Variants in HACD3 observed in about 807,000 individuals in gnomAD.
HACD3 encodes the protein very-long-chain (3R)-3-hydroxyacyl-CoA dehydratase 3.
A neutral mutation model predicts 55.2 loss-of-function variants in HACD3; 30 were observed. The observed-to-expected ratio is 0.54, with a 90% CI of 0.41 to 0.74. The LOEUF is 0.74. Ranked by LOEUF, HACD3 falls within the 30% of genes least tolerant of loss-of-function variation. HACD3 has a pLI of 0.00. For synonymous variants in HACD3, 141 were observed against 151.7 expected (o/e 0.93, Z 0.52); for missense variants, 363 against 440.1 (o/e 0.82, Z 1.57).
intron 3 of HACD3, 23 bp from the exon 4 acceptor site, chr15:65,556,716 C>G: frequency 6.3e-7 from 1 of 1,583,138 alleles, no homozygotes; most frequent in Non-Finnish European, 8.6e-7. Context: ...AGGGCATTCT[C>G]ACATTTTCAC....
chr15:65,572,138 C>T (rs1279130441), intron 9 of HACD3, 97 bp from the exon 10 acceptor site: 10 of 1,498,618 alleles, frequency 6.7e-6, no homozygotes, highest in East Asian at 2.3e-5. Flanking sequence ...TTCCAGCACA[C>T]CCAGAACTGA....
intron 5 of HACD3, among the ~76,000 whole-genome samples, chr15:65,561,395 G>A (rs372303652): frequency 1.3e-5 from 2 of 152,150 alleles, no homozygotes; most frequent in East Asian, 1.9e-4. Context: ...GAACCTGGGA[G>A]GTGGAGCGTG....
intron 1 of HACD3, chr15:65,535,580 A>T: frequency 1.3e-5 from 5 of 395,574 alleles, no homozygotes; most frequent in Non-Finnish European, 2.2e-5. Context: ...TTTTTCCAAC[A>T]GCATGTGTTC....
At chr15:65,561,353 C>A (rs1431650731) in intron 5 of HACD3, among the ~76,000 whole-genome samples, 6 of 151,970 alleles carry the variant, frequency 3.9e-5, no homozygotes, top group Non-Finnish European at 1.5e-5. Flanking sequence ...GTAATCTCAG[C>A]TACTCGGGAG....
At chr15:65,571,288 C>A (rs567129024) in intron 8 of HACD3, among the ~76,000 whole-genome samples, 1 of 152,144 alleles carries the variant, frequency 6.6e-6, no homozygotes, top group Admixed American at 6.5e-5. Context: ...CAAAAAACAT[C>A]TGAGTATCCA....
rs115173804 is a variant in HACD3 at position 65,571,698 on chromosome 15, G to A, written c.880+44G>A. The stretch of plus-strand genomic sequence containing the variant: ...AGCTTTCATAGCTTAGCTCCAGGGG[G>A]TACCCAGAGGCTGAGAGACCAGTCC... On this transcript the variant is annotated intron_variant, in intron 9 of 10. Coordinates refer to ENST00000261875, the MANE Select transcript of HACD3 (RefSeq NM_016395.4). 5.6e-4 allele frequency: 814 copies of A among 1,458,714 alleles called. 1 individual carries two copies. The African/African-American group carries it at 0.01, about 19-fold the overall frequency. The allele number at this position is 1,458,714 out of a possible 1,614,324, so 90.4% of individuals were successfully genotyped here. A position where few individuals can be genotyped will look rare whatever the true frequency, so the allele number is the denominator to read the frequency against.
intron 1 of HACD3, among the ~76,000 whole-genome samples, chr15:65,542,885 C>T (rs920565010): frequency 4.0e-5 from 6 of 151,804 alleles, no homozygotes; most frequent in African/African-American, 1.5e-4. Flanking sequence ...ACCATCCTGG[C>T]CAACATGGGG....
chr15:65,562,995 C>A, intron 6 of HACD3, 111 bp downstream of exon 6: 2 of 1,470,420 alleles, frequency 1.4e-6, no homozygotes, highest in Non-Finnish European at 1.8e-6. Flanking sequence ...TGCATTTGTG[C>A]AGCACCCTCT....
At chr15:65,566,964 A>C (rs1191808162) in intron 7 of HACD3, 1 of 152,198 alleles carries the variant, frequency 6.6e-6, no homozygotes, top group African/African-American at 2.4e-5. Context: ...GTCTCCTCCC[A>C]CCTTGTGTAG....
intron 2 of HACD3, 113 bp from the exon 3 acceptor site, chr15:65,554,774 C>CA (rs373836136): frequency 0.12 from 63,704 of 545,552 alleles, no homozygotes; most frequent in South Asian, 0.15. Flanking sequence ...GACTCTGTCT[C>CA]AAAAAAAAAA....
At chr15:65,547,555 A>C (rs1308785227) in intron 1 of HACD3, among the ~76,000 whole-genome samples, 1 of 152,234 alleles carries the variant, frequency 6.6e-6, no homozygotes, top group Admixed American at 6.5e-5. Flanking sequence ...ACATTGGACC[A>C]CCCTTATTAG....
Position 65,578,034 on chromosome 15 carries a change from A to ATAC in HACD3, c.*1658_*1660dup, listed in dbSNP as rs1371525643. ...GGGGGAAAGGAGACTCAATGAGTTA[A>ATAC]TACTATTTCACTGAGCCCAAGATGG... On this transcript the variant is annotated 3_prime_UTR_variant, in exon 11 of 11. Coordinates refer to ENST00000261875, the MANE Select transcript of HACD3 (RefSeq NM_016395.4). The ATAC allele has an allele frequency of 6.6e-6, 1 of 152,400 alleles. No homozygotes were observed. Among genetic ancestry groups the ATAC allele is most frequent in the Non-Finnish European group, 1.5e-5 (1 of 68,040 alleles). The allele number at this position is 152,400 out of a possible 1,614,324, so 9.4% of individuals were successfully genotyped here. A position where few individuals can be genotyped will look rare whatever the true frequency, so the allele number is the denominator to read the frequency against.
At chr15:65,544,391 G>A (rs2072053164) in intron 1 of HACD3, among the ~76,000 whole-genome samples, 1 of 152,102 alleles carries the variant, frequency 6.6e-6, no homozygotes, top group Non-Finnish European at 1.5e-5. Flanking sequence ...GCACATACCT[G>A]CAAGCGAATG....
At chr15:65,559,254 G>A (rs1414128909) in intron 5 of HACD3, among the ~76,000 whole-genome samples, 4 of 152,128 alleles carry the variant, frequency 2.6e-5, no homozygotes, top group African/African-American at 9.7e-5. Flanking sequence ...TCTTCTGGGT[G>A]ATGTAGTTAG....
At chr15:65,562,727 C>CT in intron 5 of HACD3, 47 bp from the exon 6 acceptor site, 2 of 1,594,734 alleles carry the variant, frequency 1.3e-6, no homozygotes, top group Non-Finnish European at 1.7e-6. Context: ...CTGTCTCCTG[C>CT]TGGGACTATT....
intron 5 of HACD3, among the ~76,000 whole-genome samples, chr15:65,559,582 T>G (rs1262286821): frequency 1.3e-5 from 2 of 151,570 alleles, no homozygotes; most frequent in African/African-American, 4.9e-5. Context: ...AGAGATGCTT[T>G]GGAGGAGTAG....
At chr15:65,570,069 C>G in intron 7 of HACD3, 22 bp from the exon 8 acceptor site, 6 of 1,460,644 alleles carry the variant, frequency 4.1e-6, no homozygotes, top group Non-Finnish European at 4.7e-6. Context: ...ACTTTTTTCT[C>G]TCTTTTGGGT....
chr15:65,532,529 G>A (rs1015531018), intron 1 of HACD3, among the ~76,000 whole-genome samples: 12 of 152,094 alleles, frequency 7.9e-5, no homozygotes, highest in South Asian at 4.2e-4. Flanking sequence ...CTACTCGGGA[G>A]GCTGAGGCAG....
intron 1 of HACD3, among the ~76,000 whole-genome samples, chr15:65,545,945 G>T (rs1296852161): frequency 6.6e-6 from 1 of 152,174 alleles, no homozygotes; most frequent in Non-Finnish European, 1.5e-5. Context: ...GCCAGCTTCC[G>T]CTTCTTCTCT....
Sources: allele counts gnomAD v4.1 joint callset (sites outside exome capture counted in the v4.1 genomes callset), GRCh38; gene constraint gnomAD v4.1.1; transcripts MANE v1.5; gene names NCBI Gene and HGNC (gene_info 2026-07-23, HGNC 2026-07-21).